The following RAPGEF4 variants were observed in gnomAD, a reference collection of about 807,000 sequenced individuals.
RAPGEF4 encodes the protein Rap guanine nucleotide exchange factor 4, also known as RAP guanine-nucleotide-exchange factor (GEF) 4.
A neutral mutation model predicts 147.9 loss-of-function variants in RAPGEF4; 66 were observed. The observed-to-expected ratio is 0.45, with a 90% CI of 0.37 to 0.55. The LOEUF is 0.55. Among genes scored for constraint, RAPGEF4 ranks in the 20% least tolerant of loss-of-function variants. The pLI is 0.00. For synonymous variants in RAPGEF4, 419 were observed against 442.7 expected (o/e 0.95, Z 0.67); for missense variants, 1,071 against 1,257.3 (o/e 0.85, Z 2.24).
intron 4 of RAPGEF4, among the ~76,000 whole-genome samples, chr2:172,889,318 A>G (rs925441288): frequency 6.6e-6 from 1 of 152,140 alleles, no homozygotes; most frequent in Non-Finnish European, 1.5e-5. Context: ...AACCACTTTT[A>G]CTGGATTTTC....
intron 6 of RAPGEF4, among the ~76,000 whole-genome samples, chr2:172,934,541 T>C (rs1686341591): frequency 6.6e-6 from 1 of 152,140 alleles, no homozygotes; most frequent in Non-Finnish European, 1.5e-5. Flanking sequence ...AAAAGTCCAA[T>C]GCAATGAATT....
At chr2:172,909,110 G>A (rs1443932921) in intron 4 of RAPGEF4, among the ~76,000 whole-genome samples, 2 of 152,126 alleles carry the variant, frequency 1.3e-5, no homozygotes, top group African/African-American at 4.8e-5. Context: ...GGTGCCCTGG[G>A]CCTCAGAGAC....
At chr2:172,840,421 C>T (rs1423094735) in intron 4 of RAPGEF4, among the ~76,000 whole-genome samples, 1 of 152,228 alleles carries the variant, frequency 6.6e-6, no homozygotes, top group Non-Finnish European at 1.5e-5. Flanking sequence ...TCCACTTCAA[C>T]ATCTGCACAA....
intron 16 of RAPGEF4, 70 bp from the exon 17 acceptor site, chr2:173,001,196 T>C (rs1488573010): frequency 6.2e-7 from 1 of 1,600,880 alleles, no homozygotes; most frequent in Non-Finnish European, 8.5e-7. Flanking sequence ...AACAAGTGAA[T>C]GGATACTCTT....
chr2:172,982,391 G>A (rs1186641199), intron 10 of RAPGEF4, among the ~76,000 whole-genome samples: 3 of 152,134 alleles, frequency 2.0e-5, no homozygotes, highest in South Asian at 2.1e-4. Flanking sequence ...AGTAAATGCC[G>A]CCTAGCCATC....
chr2:172,940,765 G>C (rs547176341), intron 6 of RAPGEF4, among the ~76,000 whole-genome samples: 2 of 152,254 alleles, frequency 1.3e-5, no homozygotes, highest in South Asian at 4.1e-4. Flanking sequence ...CTACAGAATA[G>C]ATTCCTGGGA....
chr2:172,943,009 G>A (rs1687323665), intron 6 of RAPGEF4, among the ~76,000 whole-genome samples: 1 of 152,116 alleles, frequency 6.6e-6, no homozygotes, highest in Non-Finnish European at 1.5e-5. Context: ...GAGGGCTTGG[G>A]AAGAACTGTC....
chr2:172,948,395 G>A (rs948499688), intron 6 of RAPGEF4, among the ~76,000 whole-genome samples: 3 of 152,056 alleles, frequency 2.0e-5, no homozygotes, highest in Non-Finnish European at 4.4e-5. Context: ...TAACTTCTAG[G>A]TAATTCTTAG....
intron 4 of RAPGEF4, among the ~76,000 whole-genome samples, chr2:172,875,651 C>G (rs1407863001): frequency 1.3e-5 from 2 of 152,106 alleles, no homozygotes; most frequent in Admixed American, 6.5e-5. Context: ...GTTACTGTAG[C>G]CTTGTAGTAT....
At chr2:173,044,456 T>G (rs1031077043) in intron 29 of RAPGEF4, among the ~76,000 whole-genome samples, 4 of 152,172 alleles carry the variant, frequency 2.6e-5, no homozygotes, top group Non-Finnish European at 5.9e-5. Context: ...TCTGTGCCCC[T>G]CTGTTTTCAG....
At chr2:173,033,784 G>C (rs1439527532) in intron 26 of RAPGEF4, 130 bp from the exon 27 acceptor site, 1 of 811,408 alleles carries the variant, frequency 1.2e-6, no homozygotes, top group Non-Finnish European at 2.0e-6. Flanking sequence ...ACAGATTACA[G>C]TCTGGCCTGT....
intron 4 of RAPGEF4, among the ~76,000 whole-genome samples, chr2:172,893,179 G>A (rs1698120626): frequency 6.6e-6 from 1 of 152,206 alleles, no homozygotes; most frequent in African/African-American, 2.4e-5. Flanking sequence ...GAAATGGTCA[G>A]CTGTGGGTCC....
At chr2:172,746,516 G>A (rs1694782858) in intron 1 of RAPGEF4, among the ~76,000 whole-genome samples, 1 of 152,112 alleles carries the variant, frequency 6.6e-6, no homozygotes, top group Non-Finnish European at 1.5e-5. Context: ...GCTTATCCGT[G>A]AGTGAAATAA....
At chr2:173,051,590 TATATACATATATTACACA>T in intron 30 of RAPGEF4, 32 bp from the exon 31 acceptor site, 1 of 1,576,260 alleles carries the variant, frequency 6.3e-7, no homozygotes, top group Middle Eastern at 1.7e-4. Context: ...GATTGTATCT[TATATACATATATTACACA>T]ATGCCAATTC....
At chr2:172,927,690 C>T (rs1685511780) in intron 6 of RAPGEF4, among the ~76,000 whole-genome samples, 1 of 151,994 alleles carries the variant, frequency 6.6e-6, no homozygotes, top group African/African-American at 2.4e-5. Context: ...GCTGTATAAA[C>T]CCTTTCAACT....
chr2:172,850,569 G>A (rs1446582990), intron 4 of RAPGEF4, among the ~76,000 whole-genome samples: 1 of 151,634 alleles, frequency 6.6e-6, no homozygotes, highest in Non-Finnish European at 1.5e-5. Context: ...AGTGAGCCAA[G>A]ATCATGCCAC....
At chr2:172,970,179 AC>A (rs1441096627) in intron 10 of RAPGEF4, among the ~76,000 whole-genome samples, 4 of 117,844 alleles carry the variant, frequency 3.4e-5, no homozygotes, top group African/African-American at 1.1e-4. Flanking sequence ...ACACACACAC[AC>A]CCTTTTTTTT....
chr2:172,749,711 T>A (rs563749402), intron 1 of RAPGEF4, among the ~76,000 whole-genome samples: 8 of 152,336 alleles, frequency 5.3e-5, no homozygotes, highest in African/African-American at 1.9e-4. Flanking sequence ...CCAGCATGAA[T>A]TTCTCCTCAG....
intron 1 of RAPGEF4, among the ~76,000 whole-genome samples, chr2:172,750,302 C>T (rs181468878): frequency 6.6e-6 from 1 of 152,160 alleles, no homozygotes; most frequent in African/African-American, 2.4e-5. Flanking sequence ...GTTTAATGGA[C>T]TCACAATTCC....
Sources: allele counts gnomAD v4.1 joint callset (sites outside exome capture counted in the v4.1 genomes callset), GRCh38; gene constraint gnomAD v4.1.1; transcripts MANE v1.5; gene names NCBI Gene and HGNC (gene_info 2026-07-23, HGNC 2026-07-21).